Variants in SLC9A9 observed in about 807,000 individuals in gnomAD.
The protein encoded by SLC9A9 is solute carrier family 9 member A9.
Under a neutral mutation model 77.8 loss-of-function variants are expected in SLC9A9, and 62 were observed. The observed-to-expected ratio is 0.80, with a 90% CI of 0.65 to 0.98. The LOEUF is 0.98. Ranked by LOEUF, SLC9A9 falls within the 50% of genes least tolerant of loss-of-function variation. The pLI, the probability that SLC9A9 is intolerant of heterozygous loss-of-function variation, is 0.00. For synonymous variants in SLC9A9, 320 were observed against 283.5 expected, an observed-to-expected ratio of 1.13 and a Z score of -1.29; for missense variants, 775 against 774.9, an observed-to-expected ratio of 1.00 and a Z score of 0.00.
intron 2 of SLC9A9, among the ~76,000 whole-genome samples, chr3:143,804,370 A>C (rs2008652427): frequency 6.6e-6 from 1 of 152,132 alleles, no homozygotes; most frequent in Non-Finnish European, 1.5e-5. Flanking sequence ...TAACAGTGAA[A>C]GGTTACTCGT....
At chr3:143,381,511 A>T (rs1209247079) in intron 13 of SLC9A9, 1 of 157,742 alleles carries the variant, frequency 6.3e-6, no homozygotes, top group Non-Finnish European at 1.4e-5. Context: ...CATCAGCATT[A>T]TGAAAATGAA....
At chr3:143,405,779 T>C (rs2033964541) in intron 12 of SLC9A9, among the ~76,000 whole-genome samples, 1 of 152,196 alleles carries the variant, frequency 6.6e-6, no homozygotes, top group Admixed American at 6.5e-5. Flanking sequence ...TTGGGAGTAG[T>C]GTTTTCATAA....
intron 14 of SLC9A9, among the ~76,000 whole-genome samples, chr3:143,300,219 C>G (rs1282126255): frequency 6.6e-6 from 1 of 152,174 alleles, no homozygotes; most frequent in Non-Finnish European, 1.5e-5. Context: ...GTCTGAGCCT[C>G]AGTTTGGTCA....
chr3:143,416,006 G>T (rs2034185308), intron 12 of SLC9A9, among the ~76,000 whole-genome samples: 2 of 152,204 alleles, frequency 1.3e-5, no homozygotes, highest in Non-Finnish European at 1.5e-5. Context: ...CCTGGAGGGG[G>T]TTGGGGGAGT....
chr3:143,621,803 G>A lies in SLC9A9; in HGVS notation c.755+30452C>T, dbSNP rs1052677762. Among the ~76,000 whole-genome samples the A allele has an allele frequency of 6.6e-5, 10 of 152,048 alleles. No homozygotes were observed. The South Asian group carries it at 1.0e-3, about 16-fold the overall frequency. ...GAGTTGAGAGAAGAAGGCTTCAGACGATCAAACTACCCTGAGCTAAAGGAG... is the reference window on the plus strand; with the variant it reads ...GAGTTGAGAGAAGAAGGCTTCAGACAATCAAACTACCCTGAGCTAAAGGAG... On this transcript the variant is annotated intron_variant, in intron 6 of 15. Transcript: ENST00000316549.
At chr3:143,292,884 A>G (rs917031558) in intron 14 of SLC9A9, among the ~76,000 whole-genome samples, 8 of 152,086 alleles carry the variant, frequency 5.3e-5, no homozygotes, top group African/African-American at 1.9e-4. Context: ...AGGTGGTCTT[A>G]ACTGAGACAC....
At chr3:143,597,283 C>CT (rs2037770386) in intron 6 of SLC9A9, among the ~76,000 whole-genome samples, 1 of 152,124 alleles carries the variant, frequency 6.6e-6, no homozygotes, top group Non-Finnish European at 1.5e-5. Context: ...GGGCTTAGCT[C>CT]TTGGGGGGCT....
At chr3:143,598,543 C>T (rs115112416) in intron 6 of SLC9A9, among the ~76,000 whole-genome samples, 138 of 152,332 alleles carry the variant, frequency 9.1e-4, no homozygotes, top group African/African-American at 3.1e-3. Flanking sequence ...TCACTATTTA[C>T]ACTGTGATTA....
intron 13 of SLC9A9, among the ~76,000 whole-genome samples, chr3:143,379,675 T>C (rs2033259250): frequency 1.3e-5 from 2 of 152,212 alleles, no homozygotes; most frequent in Admixed American, 6.5e-5. Flanking sequence ...TTTAAAAACA[T>C]AGTGATGTTT....
intron 6 of SLC9A9, among the ~76,000 whole-genome samples, chr3:143,590,911 C>A (rs963329484): frequency 2.0e-5 from 3 of 152,304 alleles, no homozygotes; most frequent in African/African-American, 2.4e-5. Flanking sequence ...TAGATTGGAG[C>A]CTGCAGCGTT....
intron 9 of SLC9A9, among the ~76,000 whole-genome samples, chr3:143,535,874 A>T (rs1195659843): frequency 6.6e-6 from 1 of 152,196 alleles, no homozygotes; most frequent in Non-Finnish European, 1.5e-5. Context: ...AGAAATAGAC[A>T]AGATGAGTTT....
chr3:143,607,997 C>T (rs1444818305), intron 6 of SLC9A9, among the ~76,000 whole-genome samples: 1 of 151,960 alleles, frequency 6.6e-6, no homozygotes, highest in African/African-American at 2.4e-5. Context: ...AAAATGACAA[C>T]ACCTCAAAGG....
At chr3:143,451,277 G>A (rs2035002819) in intron 12 of SLC9A9, among the ~76,000 whole-genome samples, 2 of 152,072 alleles carry the variant, frequency 1.3e-5, no homozygotes, top group Admixed American at 1.3e-4. Context: ...AGCATATTTT[G>A]CCTCTAATGG....
intron 13 of SLC9A9, among the ~76,000 whole-genome samples, chr3:143,372,638 C>G (rs571802970): frequency 6.6e-6 from 1 of 152,212 alleles, no homozygotes; most frequent in South Asian, 2.1e-4. Flanking sequence ...ATCTAATAAA[C>G]TTACGTGTAG....
intron 12 of SLC9A9, among the ~76,000 whole-genome samples, chr3:143,424,547 G>A (rs2034369529): frequency 6.6e-6 from 1 of 152,022 alleles, no homozygotes; most frequent in South Asian, 2.1e-4. Flanking sequence ...CAAGTGCTGG[G>A]TCTCAATCCC....
chr3:143,718,491 A>G (rs1934412235), intron 4 of SLC9A9, among the ~76,000 whole-genome samples: 1 of 152,192 alleles, frequency 6.6e-6, no homozygotes, highest in South Asian at 2.1e-4. Flanking sequence ...ACAGACACCA[A>G]TGTGCCCGCG....
chr3:143,587,051 A>G (rs188236543), intron 6 of SLC9A9, among the ~76,000 whole-genome samples: 71 of 152,326 alleles, frequency 4.7e-4, no homozygotes, highest in Non-Finnish European at 9.0e-4. Flanking sequence ...TCCTTGATGA[A>G]TATCATCTTG....
chr3:143,339,299 C>G (rs892210709), intron 14 of SLC9A9, among the ~76,000 whole-genome samples: 1 of 152,170 alleles, frequency 6.6e-6, no homozygotes, highest in African/African-American at 2.4e-5. Context: ...GAGCCTCCCT[C>G]CCTACTAGTA....
chr3:143,308,965 T>C (rs2030917509), intron 14 of SLC9A9, among the ~76,000 whole-genome samples: 2 of 152,190 alleles, frequency 1.3e-5, no homozygotes, highest in Non-Finnish European at 1.5e-5. Context: ...ACATGGAGAT[T>C]GCAGGAAATC....
Sources: allele counts gnomAD v4.1 joint callset (sites outside exome capture counted in the v4.1 genomes callset), GRCh38; gene constraint gnomAD v4.1.1; transcripts MANE v1.5; gene names NCBI Gene and HGNC (gene_info 2026-07-23, HGNC 2026-07-21).